Variants in FOXP1 observed in about 807,000 individuals in gnomAD.
The protein encoded by FOXP1 is forkhead box protein P1.
In FOXP1, 15 loss-of-function variants were observed where a neutral mutation model predicts 98.2. That is an observed-to-expected ratio of 0.15 (90% CI 0.10 to 0.24). The LOEUF is 0.24. Ranked by LOEUF, FOXP1 falls within the 10% of genes least tolerant of loss-of-function variation. The pLI is 1.00. For missense variants in FOXP1, 633 were observed against 848.5 expected (o/e 0.75, Z 3.15); for synonymous variants, 371 against 314.5 (o/e 1.18, Z -1.90).
chr3:71,389,257 GGGGGGCGGGT>G (rs2080855172), intron 3 of FOXP1, among the ~76,000 whole-genome samples: 4 of 100,084 alleles, frequency 4.0e-5, no homozygotes, highest in African/African-American at 1.5e-4. Flanking sequence ...GGGGGGCCGG[GGGGGGCGGGT>G]TATAAATTTC....
chr3:71,281,589 T>G (rs2071573528), intron 5 of FOXP1, among the ~76,000 whole-genome samples: 2 of 152,238 alleles, frequency 1.3e-5, no homozygotes, highest in African/African-American at 2.4e-5. Flanking sequence ...CTCAGGCCTG[T>G]CAAGAGCCTA....
At chr3:71,006,982 T>C (rs1049750451) in intron 12 of FOXP1, among the ~76,000 whole-genome samples, 1 of 152,166 alleles carries the variant, frequency 6.6e-6, no homozygotes, top group African/African-American at 2.4e-5. Flanking sequence ...GTCTAAACTT[T>C]TCTATCTAAT....
intron 3 of FOXP1, among the ~76,000 whole-genome samples, chr3:71,403,466 C>T (rs1369761783): frequency 6.6e-6 from 1 of 152,236 alleles, no homozygotes; most frequent in Admixed American, 6.5e-5. Flanking sequence ...AGGAGGATTA[C>T]TGATGTGAGA....
At chr3:71,436,664 A>G (rs76380571) in intron 3 of FOXP1, among the ~76,000 whole-genome samples, 199 of 152,308 alleles carry the variant, frequency 1.3e-3, no homozygotes, top group African/African-American at 4.6e-3. Context: ...GGATTCACTA[A>G]GCCAACAGCA....
chr3:71,223,633 T>C (rs979029794), intron 5 of FOXP1, among the ~76,000 whole-genome samples: 7 of 148,560 alleles, frequency 4.7e-5, no homozygotes, highest in Non-Finnish European at 1.0e-4. Context: ...AGACGGAGCT[T>C]GCAGTGAGTA....
intron 3 of FOXP1, among the ~76,000 whole-genome samples, chr3:71,492,885 G>C (rs1362716103): frequency 6.6e-6 from 1 of 152,076 alleles, no homozygotes; most frequent in Admixed American, 6.6e-5. Context: ...CCCCTAAAAA[G>C]TCAATGAATA....
chr3:71,461,277 T>C (rs530309310), intron 3 of FOXP1, among the ~76,000 whole-genome samples: 2 of 152,336 alleles, frequency 1.3e-5, no homozygotes, highest in East Asian at 3.9e-4. Flanking sequence ...TAGAATAAAG[T>C]GGGTTGATGA....
At position 71,276,566 on chromosome 3, in the gene FOXP1, G is replaced by C. The variant is rs796622344; in HGVS notation, c.-12+23254C>G. Among the ~76,000 whole-genome samples the C allele has an allele frequency of 2.6e-5, 4 of 152,072 alleles. No individual in the cohort carries two copies. The East Asian group carries it at 7.7e-4, about 29-fold the overall frequency. On this transcript the variant is annotated intron_variant, in intron 5 of 20. Transcript: ENST00000649528. ...CTCACATCCCTTACTCTATCCATCA[G>C]TGACTGCTGCCTAATTTTAACCCCT...
At position 71,246,002 on chromosome 3, in the gene FOXP1, C is replaced by A. The variant is rs796370267; in HGVS notation, c.-11-47610G>T. On this transcript the variant is annotated intron_variant, in intron 5 of 20. Coordinates refer to ENST00000649528, the MANE Select transcript of FOXP1 (RefSeq NM_001349338.3). ...TGATCACTTAGTACGAAAACCACCC[C>A]CCCCCCACCACAAAGCAGTGAGTGA... Among the ~76,000 whole-genome samples, 4 of 151,756 alleles carry A rather than the reference C, an allele frequency of 2.6e-5. No individual in the cohort carries two copies. In the East Asian group the frequency reaches 7.8e-4, roughly 29 times the overall value.
chr3:71,141,761 G>GTGAA (rs1281118442), intron 6 of FOXP1, among the ~76,000 whole-genome samples: 7 of 152,090 alleles, frequency 4.6e-5, no homozygotes, highest in Non-Finnish European at 1.0e-4. Flanking sequence ...TAGAGCCACT[G>GTGAA]TGAAGGAAGC....
At chr3:71,363,509 G>A (rs1014878138) in intron 3 of FOXP1, among the ~76,000 whole-genome samples, 3 of 152,124 alleles carry the variant, frequency 2.0e-5, no homozygotes, top group Non-Finnish European at 4.4e-5. Flanking sequence ...CAGACTGCAG[G>A]CTAATTTTTT....
At chr3:71,026,359 A>G (rs918607634) in intron 11 of FOXP1, among the ~76,000 whole-genome samples, 4 of 152,224 alleles carry the variant, frequency 2.6e-5, no homozygotes, top group Non-Finnish European at 5.9e-5. Flanking sequence ...AAAAGCTCAT[A>G]AAGTAGTCCT....
At chr3:71,083,911 CAAG>C (rs1432743260) in intron 7 of FOXP1, among the ~76,000 whole-genome samples, 1 of 152,178 alleles carries the variant, frequency 6.6e-6, no homozygotes, top group East Asian at 1.9e-4. Flanking sequence ...CCTCCTTCCA[CAAG>C]AAGATTAGGA....
chr3:71,032,163 A>G (rs1246267326), intron 11 of FOXP1, among the ~76,000 whole-genome samples: 4 of 152,222 alleles, frequency 2.6e-5, no homozygotes, highest in Non-Finnish European at 5.9e-5. Context: ...CCTTCCTGTG[A>G]ATGGGACAGA....
intron 3 of FOXP1, among the ~76,000 whole-genome samples, chr3:71,373,611 G>A (rs112800305): frequency 1.4e-3 from 219 of 152,322 alleles, no homozygotes; most frequent in Admixed American, 3.5e-3. Context: ...GGTGACACTG[G>A]TGCCAGTCCT....
At chr3:71,252,965 C>A (rs2068325602) in intron 5 of FOXP1, among the ~76,000 whole-genome samples, 1 of 152,110 alleles carries the variant, frequency 6.6e-6, no homozygotes, top group Non-Finnish European at 1.5e-5. Flanking sequence ...CTGCAATGGC[C>A]CCAGATGCTG....
rs1280901499 is a variant in FOXP1 at position 71,153,870 on chromosome 3, T to G, written c.181-41233A>C. Among the ~76,000 whole-genome samples the G allele has an allele frequency of 3.3e-5, 5 of 152,216 alleles. No homozygotes were observed. In the South Asian group the frequency reaches 1.0e-3, roughly 32 times the overall value. ...TACTTTCCTTTCTAAAGGTGTGTTT[T>G]CAGAGGTACGGCAATAAACATTAAT... is the stretch of plus-strand genomic sequence containing the variant. On this transcript the variant is annotated intron_variant, in intron 6 of 20. Transcript: ENST00000649528.
At chr3:71,045,619 G>GT (rs1429664225) in intron 10 of FOXP1, among the ~76,000 whole-genome samples, 1 of 152,154 alleles carries the variant, frequency 6.6e-6, no homozygotes, top group South Asian at 2.1e-4. Context: ...GAGATGCTGA[G>GT]TATGTATCAA....
intron 11 of FOXP1, among the ~76,000 whole-genome samples, chr3:71,024,511 A>G (rs1344718107): frequency 6.6e-6 from 1 of 152,200 alleles, no homozygotes; most frequent in African/African-American, 2.4e-5. Flanking sequence ...GTGAATAAGG[A>G]TGGAGTTCTC....
Sources: allele counts gnomAD v4.1 joint callset (sites outside exome capture counted in the v4.1 genomes callset), GRCh38; gene constraint gnomAD v4.1.1; transcripts MANE v1.5; gene names NCBI Gene and HGNC (gene_info 2026-07-23, HGNC 2026-07-21).